MACROD1: variants seen among roughly 807,000 people sequenced by gnomAD.
MACROD1 encodes the protein ADP-ribose glycohydrolase MACROD1.
MACROD1 carries 31 observed loss-of-function variants against 41.4 expected under a neutral mutation model. The observed-to-expected ratio is 0.75, with a 90% CI of 0.56 to 1.01. The LOEUF (loss-of-function observed/expected upper bound fraction) is 1.01. Among genes scored for constraint, MACROD1 ranks in the 50% least tolerant of loss-of-function variants. The pLI is 0.00. For synonymous variants in MACROD1, 252 were observed against 203.4 expected (o/e 1.24, Z -2.03); for missense variants, 473 against 460.0 (o/e 1.03, Z -0.26).
intron 3 of MACROD1, among the ~76,000 whole-genome samples, chr11:64,069,441 CCA>C (rs1389838714): frequency 6.6e-6 from 1 of 152,216 alleles, no homozygotes; most frequent in African/African-American, 2.4e-5. Flanking sequence ...GTCTTGGAGC[CCA>C]CTCCCCAAGG....
intron 3 of MACROD1, among the ~76,000 whole-genome samples, chr11:64,044,890 C>A (rs1289022724): frequency 6.6e-6 from 1 of 152,206 alleles, no homozygotes; most frequent in Admixed American, 6.5e-5. Flanking sequence ...TCCTGAGGCC[C>A]CACTGTGTGC....
At chr11:64,099,240 T>C (rs1277587046) in intron 3 of MACROD1, among the ~76,000 whole-genome samples, 2 of 152,256 alleles carry the variant, frequency 1.3e-5, no homozygotes, top group African/African-American at 4.8e-5. Flanking sequence ...CCCCGAAGGC[T>C]GGGCAAGGCG....
intron 4 of MACROD1, chr11:64,001,660 G>A: frequency 1.4e-6 from 1 of 701,418 alleles, no homozygotes; most frequent in Non-Finnish European, 2.6e-6. Flanking sequence ...GAGGTTAGGG[G>A]AACGCTGAGA....
intron 3 of MACROD1, among the ~76,000 whole-genome samples, chr11:64,047,041 GC>G (rs754548217): frequency 1.3e-5 from 2 of 151,548 alleles, no homozygotes; most frequent in Non-Finnish European, 2.9e-5. Context: ...TCGCCCCAGT[GC>G]CCCCCCCGGC....
At chr11:64,062,324 TC>T (rs1220690457) in intron 3 of MACROD1, among the ~76,000 whole-genome samples, 1 of 152,168 alleles carries the variant, frequency 6.6e-6, no homozygotes, top group African/African-American at 2.4e-5. Flanking sequence ...CCTGGGTGTC[TC>T]CCAGAGGGAG....
At chr11:64,077,117 A>G (rs961618769) in intron 3 of MACROD1, among the ~76,000 whole-genome samples, 6 of 152,150 alleles carry the variant, frequency 3.9e-5, no homozygotes, top group Non-Finnish European at 5.9e-5. Context: ...ACCTCAGTCC[A>G]GCCTCGGGTA....
At chr11:64,117,193 T>C in intron 3 of MACROD1, 1 of 1,614,126 alleles carries the variant, frequency 6.2e-7, no homozygotes, top group Non-Finnish European at 8.5e-7. Context: ...CTGACCACGC[T>C]GCCCCGCGGC....
intron 3 of MACROD1, among the ~76,000 whole-genome samples, chr11:64,021,508 G>C (rs537301014): frequency 6.6e-6 from 1 of 152,362 alleles, no homozygotes; most frequent in South Asian, 2.1e-4. Context: ...CTGGGCCAGG[G>C]AGAGGCTGGG....
chr11:64,093,328 A>T (rs1409793180), intron 3 of MACROD1, among the ~76,000 whole-genome samples: 3 of 152,190 alleles, frequency 2.0e-5, no homozygotes, highest in African/African-American at 7.2e-5. Context: ...ACTGCTGCGG[A>T]CACAGTCCTT....
At chr11:64,085,809 C>A (rs892338273) in intron 3 of MACROD1, among the ~76,000 whole-genome samples, 2 of 152,136 alleles carry the variant, frequency 1.3e-5, no homozygotes, top group African/African-American at 2.4e-5. Context: ...CTGGGCAAGT[C>A]GGGGAATAAC....
At chr11:64,107,866 A>G (rs1300941707) in intron 3 of MACROD1, among the ~76,000 whole-genome samples, 1 of 152,184 alleles carries the variant, frequency 6.6e-6, no homozygotes, top group Non-Finnish European at 1.5e-5. Flanking sequence ...CCCCACTCAC[A>G]CGACTCAAGG....
intron 3 of MACROD1, chr11:64,148,798 T>C: frequency 2.0e-6 from 2 of 985,760 alleles, no homozygotes; most frequent in Non-Finnish European, 2.4e-6. Context: ...TATGGGCTCC[T>C]GGGAACTGCA....
At chr11:64,140,509 C>G (rs1167627686) in intron 3 of MACROD1, among the ~76,000 whole-genome samples, 1 of 152,212 alleles carries the variant, frequency 6.6e-6, no homozygotes, top group Non-Finnish European at 1.5e-5. Context: ...GTTCCCAGCC[C>G]CACCAAGGGC....
intron 3 of MACROD1, among the ~76,000 whole-genome samples, chr11:64,023,537 A>G (rs955613456): frequency 2.0e-5 from 3 of 152,110 alleles, no homozygotes; most frequent in Non-Finnish European, 4.4e-5. Context: ...CACTCCTGGT[A>G]AGTCAGGGAG....
At position 64,149,005 on chromosome 11, in the gene MACROD1, C is replaced by T. The variant is rs529786889; in HGVS notation, c.517+2234G>A. 6.8e-5 allele frequency: 67 copies of T among 985,356 alleles called. 1 individual carries two copies. Among genetic ancestry groups the T allele is most frequent in the African/African-American group, 3.3e-4 (19 of 57,336 alleles). The allele number at this position is 985,356 out of a possible 1,614,324, so 61.0% of individuals were successfully genotyped here. On this transcript the variant is annotated intron_variant, in intron 3 of 10. Coordinates refer to ENST00000255681, the MANE Select transcript of MACROD1 (RefSeq NM_014067.4). ...CTCCGTCATTCCCTGGGATTCCAGGCGGGTACCGGGTCCTCCTGGCTGTGA... is the reference window on the plus strand; with the variant it reads ...CTCCGTCATTCCCTGGGATTCCAGGTGGGTACCGGGTCCTCCTGGCTGTGA...
chr11:64,126,880 C>G (rs1464397896), intron 3 of MACROD1: 3 of 152,282 alleles, frequency 2.0e-5, no homozygotes, highest in African/African-American at 4.8e-5. Context: ...CCAGGTGCAG[C>G]ACTATCTCCT....
intron 3 of MACROD1, among the ~76,000 whole-genome samples, chr11:64,028,995 A>C (rs1405963469): frequency 1.3e-5 from 2 of 151,948 alleles, no homozygotes; most frequent in Non-Finnish European, 2.9e-5. Context: ...CAGCCCCAGG[A>C]CTCTGGGAGA....
chr11:64,165,096 G>A (rs918999702), intron 1 of MACROD1, among the ~76,000 whole-genome samples: 1 of 152,226 alleles, frequency 6.6e-6, no homozygotes, highest in Non-Finnish European at 1.5e-5. Flanking sequence ...GGAAAAGGGC[G>A]CCAGACCACG....
At chr11:64,070,312 T>C (rs1944083234) in intron 3 of MACROD1, among the ~76,000 whole-genome samples, 2 of 152,094 alleles carry the variant, frequency 1.3e-5, no homozygotes, top group Non-Finnish European at 2.9e-5. Flanking sequence ...AGCCTCCTCA[T>C]GTTCCCTGGG....
Sources: allele counts gnomAD v4.1 joint callset (sites outside exome capture counted in the v4.1 genomes callset), GRCh38; gene constraint gnomAD v4.1.1; transcripts MANE v1.5; gene names NCBI Gene and HGNC (gene_info 2026-07-23, HGNC 2026-07-21).